SUPT5H: variants seen among roughly 807,000 people sequenced by gnomAD.
The protein encoded by SUPT5H is SPT5 homolog, DSIF elongation factor subunit.
SUPT5H carries 24 observed loss-of-function variants against 142.5 expected under a neutral mutation model. That is an observed-to-expected ratio of 0.17 (90% CI 0.12 to 0.24). The LOEUF (loss-of-function observed/expected upper bound fraction) is 0.24, where lower values mean the gene tolerates loss of function less well. Among genes scored for constraint, SUPT5H ranks in the 10% least tolerant of loss-of-function variants. The pLI is 1.00. For synonymous variants in SUPT5H, 546 were observed against 553.0 expected (o/e 0.99, Z 0.18); for missense variants, 893 against 1,471.8 (o/e 0.61, Z 6.43).
chr19:39,458,648 G>A lies in SUPT5H; in HGVS notation c.320-170G>A, dbSNP rs1022622981. ...TCCCCAGTCTTTTTGACAAGAAGCA[G>A]GATGCTGAGTAGGACAGAGTAGGGG... On this transcript the variant is annotated intron_variant, in intron 5 of 29. Transcript: ENST00000432763. The surrounding 1 kb of genome is among the most constrained non-coding windows in gnomAD (Gnocchi z 4.2). 4.1e-6 allele frequency: 3 copies of A among 737,834 alleles called. No homozygotes were observed. In the South Asian group the frequency reaches 5.7e-5, roughly 14 times the overall value. The allele number at this position is 737,834 out of a possible 1,614,324, so 45.7% of individuals were successfully genotyped here. A position where few individuals can be genotyped will look rare whatever the true frequency, so the allele number is the denominator to read the frequency against.
chr19:39,457,952 TG>T, intron 4 of SUPT5H: 2 of 921,860 alleles, frequency 2.2e-6, no homozygotes, highest in East Asian at 2.6e-5. Context: ...GGGGATGTTG[TG>T]GGGAGAGGAC....
rs749714258 is a variant in SUPT5H at position 39,465,072 on chromosome 19, G to T, written c.876+23G>T. ...CAGGTGCCCGGGGCGGGGTGGCATG[G>T]GGGTCAGGGTCCCTCCATTCTGTTC... On this transcript the variant is annotated intron_variant, in intron 11 of 29. Transcript: ENST00000432763. 7 of 1,602,926 alleles carry T rather than the reference G, an allele frequency of 4.4e-6. No individual in the cohort carries two copies. In the East Asian group the frequency reaches 1.3e-4, roughly 31 times the overall value.
rs1369101943 is a variant in SUPT5H, at chr19:39,458,650, A to C, written c.320-168A>C. Reference sequence around the variant, plus strand: ...CCCAGTCTTTTTGACAAGAAGCAGGATGCTGAGTAGGACAGAGTAGGGGAT... The same window carrying C: ...CCCAGTCTTTTTGACAAGAAGCAGGCTGCTGAGTAGGACAGAGTAGGGGAT... On this transcript the variant is annotated intron_variant, in intron 5 of 29. Coordinates refer to ENST00000432763, the MANE Select transcript of SUPT5H (RefSeq NM_001111020.3). The surrounding 1 kb of genome is among the most constrained non-coding windows in gnomAD (Gnocchi z 4.2). The C allele has an allele frequency of 1.4e-6, 1 of 738,786 alleles. No homozygotes were observed. Among genetic ancestry groups the C allele is most frequent in the Admixed American group, 2.9e-5 (1 of 33,954 alleles). The allele number at this position is 738,786 out of a possible 1,614,324, so 45.8% of individuals were successfully genotyped here. A position where few individuals can be genotyped will look rare whatever the true frequency, so the allele number is the denominator to read the frequency against.
At chr19:39,475,993 T>A in intron 28 of SUPT5H, 88 bp from the exon 29 acceptor site, 1 of 1,251,234 alleles carries the variant, frequency 8.0e-7, no homozygotes. Context: ...GTTCTCAGAA[T>A]GAGCCCTGAG....
Position 39,445,631 on chromosome 19 carries a change from C to A in SUPT5H, c.-94C>A. 2.1e-6 allele frequency: 1 copy of A among 481,212 alleles called. No individual in the cohort carries two copies. Among genetic ancestry groups the A allele is most frequent in the Non-Finnish European group, 3.8e-6 (1 of 263,104 alleles). The allele number at this position is 481,212 out of a possible 1,614,324, so 29.8% of individuals were successfully genotyped here. On this transcript the variant is annotated 5_prime_UTR_variant, in exon 1 of 30. Coordinates refer to ENST00000432763, the MANE Select transcript of SUPT5H (RefSeq NM_001111020.3). The stretch of plus-strand genomic sequence containing the variant: ...CTGGTACCGAAGGCGGAGGTGGAGC[C>A]CGAGAGGTAAGTGCGTGTGCAGAGG...
chr19:39,446,034 GGGA>G (rs2078949393), intron 2 of SUPT5H, 69 bp downstream of exon 2: 4 of 1,535,184 alleles, frequency 2.6e-6, no homozygotes, highest in Non-Finnish European at 3.5e-6. Context: ...AGGCCCCTGT[GGGA>G]GGCTCGAGGG....
In SUPT5H at chr19:39,459,596, G is replaced by T. The variant is rs2079134884; in HGVS notation, c.555+7G>T. 12 of 1,613,854 alleles carry T rather than the reference G, an allele frequency of 7.4e-6. No homozygotes were observed. Among genetic ancestry groups the T allele is most frequent in the Non-Finnish European group, 9.3e-6 (11 of 1,179,968 alleles). On this transcript the variant is annotated splice_region_variant and intron_variant, in intron 9 of 29. Transcript: ENST00000432763. ...GTGGACTGTCAAATGTAAGGTATGT[G>T]CTCTGATCTCGGGGCTTGGAGGAGG...
At chr19:39,461,925 T>A (rs2079168413) in intron 10 of SUPT5H, among the ~76,000 whole-genome samples, 1 of 152,076 alleles carries the variant, frequency 6.6e-6, no homozygotes, top group South Asian at 2.1e-4. Flanking sequence ...TCATTTGAGT[T>A]ATGTCTCTGA....
chr19:39,468,971 T>A, intron 14 of SUPT5H, 108 bp from the exon 15 acceptor site: 1 of 1,552,650 alleles, frequency 6.4e-7, no homozygotes, highest in Non-Finnish European at 8.9e-7. Flanking sequence ...AAGTTAGGAG[T>A]GTTCCCTAGG....
intron 10 of SUPT5H, among the ~76,000 whole-genome samples, chr19:39,463,160 C>T (rs983342031): frequency 2.0e-5 from 3 of 149,822 alleles, no homozygotes; most frequent in Non-Finnish European, 3.0e-5. Flanking sequence ...CCTGGCCAAC[C>T]GGCCTTAATT....
chr19:39,473,522 G>T lies in SUPT5H; in HGVS notation c.2492+1G>T. 1 of 1,608,664 alleles carries T rather than the reference G, an allele frequency of 6.2e-7. No homozygotes were observed. The highest frequency in any genetic ancestry group is 8.5e-7 in the Non-Finnish European group (1 of 1,179,690). On this transcript the variant is annotated splice_donor_variant, in intron 25 of 29. Transcript: ENST00000432763. LOFTEE classifies it high-confidence loss of function. This position sits in a 1 kb window ranked among gnomAD's most constrained non-coding sequence, Gnocchi z 5.8. Reference sequence around the variant, plus strand: ...CCAACAACCCCAACACGCCGTCACGGTGAGTCCAGGGTTCCCCAGGTTCTG... The same window carrying T: ...CCAACAACCCCAACACGCCGTCACGTTGAGTCCAGGGTTCCCCAGGTTCTG...
intron 10 of SUPT5H, among the ~76,000 whole-genome samples, chr19:39,460,524 G>C (rs2079147126): frequency 6.6e-6 from 1 of 152,156 alleles, no homozygotes; most frequent in African/African-American, 2.4e-5. Flanking sequence ...GATCACTTGA[G>C]GTCAGGAGTT....
chr19:39,461,835 A>AT (rs1555744250), intron 10 of SUPT5H, among the ~76,000 whole-genome samples: 3,798 of 145,332 alleles, frequency 0.026, 143 homozygotes, highest in African/African-American at 0.085. Context: ...AAAAAAAAAA[A>AT]AAAAATAATA....
At chr19:39,451,970 G>A (rs1351028425) in intron 2 of SUPT5H, among the ~76,000 whole-genome samples, 6 of 152,208 alleles carry the variant, frequency 3.9e-5, no homozygotes. Flanking sequence ...TTCTGGTATG[G>A]AAAGAGGGAT....
chr19:39,446,583 T>C (rs1438457217), intron 2 of SUPT5H, among the ~76,000 whole-genome samples: 1 of 152,102 alleles, frequency 6.6e-6, no homozygotes, highest in Non-Finnish European at 1.5e-5. Context: ...GGTGCAGAGA[T>C]GGGAGTGTGT....
rs1361262618 is a variant in SUPT5H, at chr19:39,458,404, C to G, written c.319+99C>G. The G allele has an allele frequency of 1.3e-5, 21 of 1,585,052 alleles. No homozygotes were observed. Among genetic ancestry groups the G allele is most frequent in the Non-Finnish European group, 1.8e-5 (21 of 1,165,600 alleles). ...CCCTCACCGGTAGCCTCCCCACCAG[C>G]CCCGGTCTGGCCCTGAGGGCTCTGA... On this transcript the variant is annotated intron_variant, in intron 5 of 29. Transcript: ENST00000432763. The surrounding 1 kb of genome is among the most constrained non-coding windows in gnomAD (Gnocchi z 4.2).
chr19:39,451,836 T>A (rs1021272667), intron 2 of SUPT5H, among the ~76,000 whole-genome samples: 1 of 152,236 alleles, frequency 6.6e-6, no homozygotes, highest in East Asian at 1.9e-4. Context: ...CTGACCAGAT[T>A]TCAGATTTTT....
intron 10 of SUPT5H, among the ~76,000 whole-genome samples, chr19:39,463,229 C>T (rs982203941): frequency 1.3e-4 from 19 of 151,146 alleles, no homozygotes; most frequent in East Asian, 7.8e-4. Context: ...ATTGAACTCC[C>T]GACCTCAAGT....
chr19:39,465,070 T>G (rs1418930678), intron 11 of SUPT5H, 21 bp downstream of exon 11: 1 of 1,603,948 alleles, frequency 6.2e-7, no homozygotes, highest in Non-Finnish European at 8.5e-7. Flanking sequence ...CGGGGTGGCA[T>G]GGGGGTCAGG....
Sources: allele counts gnomAD v4.1 joint callset (sites outside exome capture counted in the v4.1 genomes callset), GRCh38; gene constraint gnomAD v4.1.1; non-coding constraint Gnocchi (gnomAD v3.1); transcripts MANE v1.5; gene names NCBI Gene and HGNC (gene_info 2026-07-23, HGNC 2026-07-21).